The following RBFOX3 variants were observed in gnomAD, a reference collection of about 807,000 sequenced individuals.
The protein encoded by RBFOX3 is RNA binding fox-1 homolog 3, also known as RNA binding protein fox-1 homolog 3.
In RBFOX3, 17 loss-of-function variants were observed where a neutral mutation model predicts 48.7. The observed-to-expected ratio is 0.35, with a 90% confidence interval of 0.24 to 0.52. The LOEUF (loss-of-function observed/expected upper bound fraction) is 0.52, where lower values mean the gene tolerates loss of function less well. RBFOX3 is among the 20% of genes least tolerant of loss of function. The probability of loss-of-function intolerance (pLI) is 0.94; values close to 1 mark genes in which losing one functional copy is unlikely to be tolerated. For missense variants in RBFOX3, 382 were observed against 497.5 expected (o/e 0.77, Z 2.21); for synonymous variants, 212 against 209.5 (o/e 1.01, Z -0.10).
rs1401546567 is a variant in RBFOX3 at position 79,421,034 on chromosome 17, G to A, written c.-175+61420C>T. On this transcript the variant is annotated intron_variant, in intron 2 of 14. Transcript: ENST00000693108. The surrounding 1 kb of genome is among the most constrained non-coding windows in gnomAD (Gnocchi z 4.5). ...TGAGCCTCCCCTGGTGGGTTGAGGG[G>A]CTTCCCTACTGGGTGAGCCTCCCCA... Among the ~76,000 whole-genome samples, 1 of 151,624 alleles carries A rather than the reference G, an allele frequency of 6.6e-6. No individual in the cohort carries two copies. Among genetic ancestry groups the A allele is most frequent in the African/African-American group, 2.4e-5 (1 of 41,274 alleles).
chr17:79,164,688 T>C (rs1377263331), intron 4 of RBFOX3, among the ~76,000 whole-genome samples: 1 of 152,142 alleles, frequency 6.6e-6, no homozygotes, highest in African/African-American at 2.4e-5. Flanking sequence ...GTGAGGGCAG[T>C]GGAGGTCCCA....
intron 3 of RBFOX3, among the ~76,000 whole-genome samples, chr17:79,239,451 C>T (rs976602578): frequency 1.3e-5 from 2 of 152,182 alleles, no homozygotes; most frequent in African/African-American, 4.8e-5. Context: ...ACAGTGGTGC[C>T]GACTTCCCCA....
At chr17:79,263,741 G>A (rs1161031416) in intron 3 of RBFOX3, among the ~76,000 whole-genome samples, 4 of 152,202 alleles carry the variant, frequency 2.6e-5, no homozygotes. Flanking sequence ...GGCAGCCAGC[G>A]AATGGCTGGA....
At chr17:79,398,514 G>A (rs900922121) in intron 2 of RBFOX3, among the ~76,000 whole-genome samples, 1 of 152,124 alleles carries the variant, frequency 6.6e-6, no homozygotes, top group Non-Finnish European at 1.5e-5. Context: ...ACCTCCTGGG[G>A]AGGGACACGT....
At chr17:79,637,740 G>GGGAGGGGAT in the RBFOX3 span, among the ~76,000 whole-genome samples, 1 of 109,872 alleles carries the variant, frequency 9.1e-6, no homozygotes, top group African/African-American at 5.2e-5. Flanking sequence ...AGGGAGGGGA[G>GGGAGGGGAT]GGGAGGGGAG....
chr17:79,540,710 C>A (rs750284537), intron 1 of RBFOX3, among the ~76,000 whole-genome samples: 1 of 152,214 alleles, frequency 6.6e-6, no homozygotes, highest in African/African-American at 2.4e-5. Context: ...GTGTGGCCTC[C>A]GCCAGGTTGT....
rs183225164 is a variant in RBFOX3 at position 79,199,736 on chromosome 17, C to T, written c.-34+36030G>A. 1.1e-3 allele frequency among the ~76,000 whole-genome samples: 162 copies of T among 152,300 alleles called. No individual in the cohort carries two copies. The highest frequency in any genetic ancestry group is 2.0e-3 in the Admixed American group (30 of 15,302). On this transcript the variant is annotated intron_variant, in intron 4 of 14. Transcript: ENST00000693108. This position sits in a 1 kb window ranked among gnomAD's most constrained non-coding sequence, Gnocchi z 5.1. ...GGTGACCATATTGACACAGATATGA[C>T]ATTGCTGCTGCTGTAGGATTTCTGA...
intron 4 of RBFOX3, among the ~76,000 whole-genome samples, chr17:79,209,031 G>C (rs1314189765): frequency 1.3e-5 from 2 of 152,112 alleles, no homozygotes; most frequent in African/African-American, 4.8e-5. Flanking sequence ...GTGTTAGCCA[G>C]GATGGTCTCG....
At chr17:79,624,457 G>A in the RBFOX3 span, among the ~76,000 whole-genome samples, 1 of 152,292 alleles carries the variant, frequency 6.6e-6, no homozygotes, top group Non-Finnish European at 1.5e-5. Flanking sequence ...CAGTTGCCAG[G>A]CAGCCAGAAA....
At chr17:79,596,674 C>T (rs2093577527) in intron 1 of RBFOX3, among the ~76,000 whole-genome samples, 1 of 152,176 alleles carries the variant, frequency 6.6e-6, no homozygotes, top group Non-Finnish European at 1.5e-5. Flanking sequence ...TCAGCTGCAG[C>T]CCCTGCCCGC....
At chr17:79,567,500 G>C (rs925689889) in intron 1 of RBFOX3, among the ~76,000 whole-genome samples, 1 of 152,098 alleles carries the variant, frequency 6.6e-6, no homozygotes, top group Non-Finnish European at 1.5e-5. Flanking sequence ...TTACCTTTCT[G>C]TGCCTGGCTT....
chr17:79,251,346 G>A (rs900508710), intron 3 of RBFOX3, among the ~76,000 whole-genome samples: 2 of 152,110 alleles, frequency 1.3e-5, no homozygotes, highest in African/African-American at 4.8e-5. Context: ...GGCCTCTCCC[G>A]AAACCTCCTC....
In RBFOX3 at chr17:79,332,197, G is replaced by A. The variant is rs531118092; in HGVS notation, c.-174-24373C>T. Among the ~76,000 whole-genome samples the A allele has an allele frequency of 3.7e-4, 57 of 152,280 alleles. 1 individual carries two copies. The highest frequency in any genetic ancestry group is 5.4e-4 in the Non-Finnish European group (37 of 68,030). On this transcript the variant is annotated intron_variant, in intron 2 of 14. Coordinates refer to ENST00000693108, the MANE Select transcript of RBFOX3 (RefSeq NM_001350451.2). ...CATTTCCTGCTCCTTGTCTGCTGCC[G>A]TCTGGGCTGGAATTCTGTCTCCAAA...
At chr17:79,453,163 G>A (rs142397600) in intron 2 of RBFOX3, among the ~76,000 whole-genome samples, 16 of 152,362 alleles carry the variant, frequency 1.1e-4, no homozygotes, top group African/African-American at 3.4e-4. Context: ...GCTAATAGCC[G>A]TGTCATTCTA....
intron 3 of RBFOX3, among the ~76,000 whole-genome samples, chr17:79,303,778 C>T (rs1259150606): frequency 6.6e-6 from 1 of 152,036 alleles, no homozygotes; most frequent in Non-Finnish European, 1.5e-5. Context: ...ACTAGGTGCA[C>T]GTACGTGTGT....
At chr17:79,438,531 C>T (rs142677888) in intron 2 of RBFOX3, among the ~76,000 whole-genome samples, 3 of 152,348 alleles carry the variant, frequency 2.0e-5, no homozygotes, top group Non-Finnish European at 2.9e-5. Flanking sequence ...CTTGAACATT[C>T]GCCCTCACGA....
At chr17:79,144,376 C>CAA (rs879622472) in intron 4 of RBFOX3, among the ~76,000 whole-genome samples, 34,548 of 152,072 alleles carry the variant, frequency 0.23, 4,067 homozygotes, top group Middle Eastern at 0.29. Context: ...CGGGAGACGC[C>CAA]TACCACAGAG....
chr17:79,204,391 A>G lies in RBFOX3; in HGVS notation c.-34+31375T>C, dbSNP rs1399438513. 8.5e-5 allele frequency among the ~76,000 whole-genome samples: 13 copies of G among 152,184 alleles called. No homozygotes were observed. Among genetic ancestry groups the G allele is most frequent in the East Asian group, 1.9e-4 (1 of 5,190 alleles). Reference sequence around the variant, plus strand: ...GAATGTAAGTCTGAACAGAGGAGAGATTACTGACGTGAAAGTAACTTCTCA... The same window carrying G: ...GAATGTAAGTCTGAACAGAGGAGAGGTTACTGACGTGAAAGTAACTTCTCA... On this transcript the variant is annotated intron_variant, in intron 4 of 14. Transcript: ENST00000693108. This position sits in a 1 kb window ranked among gnomAD's most constrained non-coding sequence, Gnocchi z 4.5.
chr17:79,397,661 A>C (rs1039826133), intron 2 of RBFOX3, among the ~76,000 whole-genome samples: 8 of 150,502 alleles, frequency 5.3e-5, no homozygotes, highest in African/African-American at 1.9e-4. Context: ...CTCACACCTC[A>C]CTGACATCTT....
Sources: allele counts gnomAD v4.1 joint callset (sites outside exome capture counted in the v4.1 genomes callset), GRCh38; gene constraint gnomAD v4.1.1; non-coding constraint Gnocchi (gnomAD v3.1); transcripts MANE v1.5; gene names NCBI Gene and HGNC (gene_info 2026-07-23, HGNC 2026-07-21).